The following GPHN variants were observed in gnomAD, a reference collection of about 807,000 sequenced individuals.
The protein encoded by GPHN is gephyrin.
Under a neutral mutation model 95.5 loss-of-function variants are expected in GPHN, and 17 were observed. The observed-to-expected ratio is 0.18, with a 90% CI of 0.12 to 0.27. The LOEUF (loss-of-function observed/expected upper bound fraction) is 0.27, where lower values mean the gene tolerates loss of function less well. GPHN is among the 10% of genes least tolerant of loss of function. The pLI, the probability that GPHN is intolerant of heterozygous loss-of-function variation, is 1.00. For missense variants in GPHN, 660 were observed against 978.1 expected, an observed-to-expected ratio of 0.67 and a Z score of 4.34; for synonymous variants, 320 against 322.5, an observed-to-expected ratio of 0.99 and a Z score of 0.08.
At chr14:66,921,193 AC>A (rs1255843094) in intron 6 of GPHN, among the ~76,000 whole-genome samples, 1 of 152,106 alleles carries the variant, frequency 6.6e-6, no homozygotes, top group African/African-American at 2.4e-5. Context: ...TAGTGGTTTC[AC>A]TAGTTTACAT....
At chr14:67,029,016 A>T (rs2074058124) in intron 10 of GPHN, among the ~76,000 whole-genome samples, 1 of 152,072 alleles carries the variant, frequency 6.6e-6, no homozygotes, top group Admixed American at 6.5e-5. Context: ...TTAAGTATTT[A>T]ATCTATTTTC....
chr14:67,414,874 C>A, the GPHN span, among the ~76,000 whole-genome samples: 1 of 152,172 alleles, frequency 6.6e-6, no homozygotes, highest in African/African-American at 2.4e-5. Context: ...TAAATGAGGA[C>A]CCTCAAAGCC....
chr14:67,241,066 C>T, the GPHN span: 1 of 152,278 alleles, frequency 6.6e-6, no homozygotes. Context: ...CCGGCCAAAT[C>T]CCGAAGGGGC....
At chr14:67,120,044 T>C (rs920458493) in intron 16 of GPHN, among the ~76,000 whole-genome samples, 7 of 151,440 alleles carry the variant, frequency 4.6e-5, no homozygotes, top group African/African-American at 7.3e-5. Context: ...GAAGATCGCT[T>C]GAACCCAGGG....
the GPHN span, chr14:67,338,545 C>A: frequency 1.1e-5 from 15 of 1,423,220 alleles, no homozygotes; most frequent in Non-Finnish European, 1.2e-5. Flanking sequence ...TAAATAGCCA[C>A]ACAAATCAAA....
chr14:67,393,024 C>T, the GPHN span: 1 of 905,410 alleles, frequency 1.1e-6, no homozygotes, highest in South Asian at 1.5e-5. Flanking sequence ...ACATGGCCAT[C>T]TCAGGCTAGC....
At chr14:67,386,470 A>T in the GPHN span, 1 of 152,222 alleles carries the variant, frequency 6.6e-6, no homozygotes, top group Non-Finnish European at 1.5e-5. Flanking sequence ...AGCTTGTGCC[A>T]GATTACTGTA....
chr14:66,874,782 T>C (rs2063580634), intron 4 of GPHN, among the ~76,000 whole-genome samples: 2 of 152,174 alleles, frequency 1.3e-5, no homozygotes, highest in African/African-American at 4.8e-5. Flanking sequence ...CTACTTCTGA[T>C]TGCTGTACTT....
intron 2 of GPHN, among the ~76,000 whole-genome samples, chr14:66,682,399 A>G (rs117522065): frequency 4.1e-4 from 62 of 152,322 alleles, no homozygotes; most frequent in East Asian, 3.3e-3. Context: ...TACTATCCTT[A>G]TGGATATGGG....
the GPHN span, among the ~76,000 whole-genome samples, chr14:67,262,704 C>T: frequency 0.019 from 2,874 of 152,232 alleles, 37 homozygotes; most frequent in Middle Eastern, 0.034. Flanking sequence ...AACCTTTAGT[C>T]TCCCATTATT....
At chr14:67,029,123 C>T (rs940525857) in intron 10 of GPHN, among the ~76,000 whole-genome samples, 2 of 152,088 alleles carry the variant, frequency 1.3e-5, no homozygotes, top group African/African-American at 4.8e-5. Flanking sequence ...AGGAAGACAC[C>T]TTTTCTCTGA....
intron 2 of GPHN, among the ~76,000 whole-genome samples, chr14:66,682,298 T>A (rs2066986153): frequency 6.6e-6 from 1 of 152,232 alleles, no homozygotes; most frequent in African/African-American, 2.4e-5. Context: ...CAGTTGTCCT[T>A]TGAGTCCTGT....
chr14:66,880,294 T>C (rs1242350470), intron 5 of GPHN, among the ~76,000 whole-genome samples: 3 of 152,072 alleles, frequency 2.0e-5, no homozygotes, highest in Non-Finnish European at 2.9e-5. Flanking sequence ...CCCTTTTTTT[T>C]CCAGAGTTAA....
chr14:67,015,411 A>G (rs1252469725), intron 9 of GPHN, among the ~76,000 whole-genome samples: 1 of 152,158 alleles, frequency 6.6e-6, no homozygotes, highest in Non-Finnish European at 1.5e-5. Flanking sequence ...TTTAAAAAAA[A>G]CAGCAGCCCA....
chr14:66,850,144 A>G (rs2062518024), intron 4 of GPHN, among the ~76,000 whole-genome samples: 1 of 152,166 alleles, frequency 6.6e-6, no homozygotes, highest in Non-Finnish European at 1.5e-5. Flanking sequence ...TCAGTAATGT[A>G]GAATTAATGG....
the GPHN span, among the ~76,000 whole-genome samples, chr14:67,275,091 C>T: frequency 1.3e-5 from 2 of 152,180 alleles, no homozygotes; most frequent in African/African-American, 2.4e-5. Context: ...TTCCTCTTTT[C>T]CTAATTGAAT....
intron 8 of GPHN, among the ~76,000 whole-genome samples, chr14:66,930,652 A>G (rs559234669): frequency 3.3e-5 from 5 of 151,836 alleles, no homozygotes; most frequent in Admixed American, 2.6e-4. Flanking sequence ...CAGTCTCCCA[A>G]GTAGCTGGGA....
the GPHN span, among the ~76,000 whole-genome samples, chr14:67,350,344 T>C: frequency 6.6e-6 from 1 of 152,204 alleles, no homozygotes; most frequent in South Asian, 2.1e-4. Context: ...TACAGCCATG[T>C]TGAAAATAAG....
intron 1 of GPHN, among the ~76,000 whole-genome samples, chr14:66,652,525 G>GTT (rs3033900): frequency 0.16 from 24,289 of 149,626 alleles, 3,829 homozygotes; most frequent in East Asian, 0.44. Flanking sequence ...TTTTTTGTGG[G>GTT]TTTTTTTTTC....
Sources: gnomAD v4.1 joint callset for allele counts (sites outside exome capture counted in the v4.1 genomes callset) on GRCh38, gnomAD v4.1.1 for gene constraint, MANE v1.5 for transcripts, NCBI Gene and HGNC (gene_info 2026-07-23, HGNC 2026-07-21) for gene names.